The following PTPRT variants were observed in gnomAD, a reference collection of about 807,000 sequenced individuals.
PTPRT encodes the protein protein tyrosine phosphatase receptor type T.
Under a neutral mutation model 176.8 loss-of-function variants are expected in PTPRT, and 56 were observed. The ratio of observed to expected loss-of-function variants is 0.32; its 90% confidence interval spans 0.26 to 0.40. The LOEUF (loss-of-function observed/expected upper bound fraction) is 0.40, where lower values mean the gene tolerates loss of function less well. Ranked by LOEUF, PTPRT falls within the 10% of genes least tolerant of loss-of-function variation. PTPRT has a pLI of 1.00. For missense variants in PTPRT, 1,540 were observed against 1,908.2 expected (o/e 0.81, Z 3.60); for synonymous variants, 783 against 739.0 (o/e 1.06, Z -0.96).
chr20:42,466,576 T>C (rs545565039), intron 8 of PTPRT, among the ~76,000 whole-genome samples: 44 of 152,230 alleles, frequency 2.9e-4, no homozygotes, highest in African/African-American at 1.0e-3. Context: ...CTGAAACTAT[T>C]TTATGTGTGT....
chr20:42,726,091 T>TTATTATTAC (rs1349696661), intron 6 of PTPRT, among the ~76,000 whole-genome samples: 1 of 149,026 alleles, frequency 6.7e-6, no homozygotes, highest in Non-Finnish European at 1.5e-5. Context: ...ATTATTATTA[T>TTATTATTAC]TATTATAGAC....
chr20:43,114,201 G>A (rs753224700), intron 1 of PTPRT, among the ~76,000 whole-genome samples: 11 of 152,162 alleles, frequency 7.2e-5, no homozygotes, highest in Middle Eastern at 3.4e-3. Context: ...AGTTAGTCTC[G>A]CCACTTTCCT....
intron 9 of PTPRT, among the ~76,000 whole-genome samples, chr20:42,366,845 A>G (rs1568816771): frequency 6.6e-6 from 1 of 152,252 alleles, no homozygotes; most frequent in Non-Finnish European, 1.5e-5. Context: ...CCACGAAGTG[A>G]GCAGCCTGAT....
intron 7 of PTPRT, among the ~76,000 whole-genome samples, chr20:42,508,785 C>A (rs1281327756): frequency 2.0e-5 from 3 of 150,966 alleles, no homozygotes; most frequent in Non-Finnish European, 4.4e-5. Context: ...TGTTATTGGT[C>A]CAATAAACAT....
chr20:42,296,997 T>C (rs2057397291), intron 12 of PTPRT, among the ~76,000 whole-genome samples: 1 of 150,454 alleles, frequency 6.6e-6, no homozygotes, highest in African/African-American at 2.4e-5. Context: ...TTTAAAAAAT[T>C]TCAAAAAAAG....
At chr20:42,068,789 G>A (rs767401592), downstream of PTPRT, among the ~76,000 whole-genome samples, 57 of 152,160 alleles carry the variant, frequency 3.7e-4, no homozygotes, top group Admixed American at 7.9e-4. Flanking sequence ...CATGTTTCCA[G>A]CTTTGACTAC....
intron 18 of PTPRT, among the ~76,000 whole-genome samples, chr20:42,138,879 C>G (rs999598366): frequency 1.3e-5 from 2 of 152,142 alleles, no homozygotes; most frequent in African/African-American, 4.8e-5. Flanking sequence ...CCTACTTGTC[C>G]CCTTTAATCT....
At chr20:43,056,583 C>A (rs557958625) in intron 1 of PTPRT, among the ~76,000 whole-genome samples, 1 of 152,116 alleles carries the variant, frequency 6.6e-6, no homozygotes, top group Non-Finnish European at 1.5e-5. Context: ...AATTTTATTG[C>A]GTGAATCTAT....
chr20:42,389,250 A>G (rs1288808847), intron 9 of PTPRT, among the ~76,000 whole-genome samples: 1 of 152,072 alleles, frequency 6.6e-6, no homozygotes, highest in Admixed American at 6.5e-5. Flanking sequence ...CGTTGTGCAC[A>G]TGTATCCTAG....
At chr20:42,229,636 T>C (rs2056093386) in intron 15 of PTPRT, among the ~76,000 whole-genome samples, 1 of 152,350 alleles carries the variant, frequency 6.6e-6, no homozygotes, top group East Asian at 1.9e-4. Flanking sequence ...GGCCCTACTA[T>C]GTGCTAGGCA....
chr20:42,795,493 T>C (rs573250789), intron 2 of PTPRT, among the ~76,000 whole-genome samples: 3 of 152,342 alleles, frequency 2.0e-5, no homozygotes, highest in East Asian at 1.9e-4. Flanking sequence ...AAAGTCCTAA[T>C]TGAGTTTTTA....
At chr20:42,055,139 A>G in the PTPRT span, among the ~76,000 whole-genome samples, 37,081 of 152,192 alleles carry the variant, frequency 0.24, 5,673 homozygotes, top group Non-Finnish European at 0.34. Context: ...GGAGTATTCC[A>G]GTGAGCAGGT....
At chr20:42,913,211 C>T (rs896855465) in intron 1 of PTPRT, among the ~76,000 whole-genome samples, 4 of 152,198 alleles carry the variant, frequency 2.6e-5, no homozygotes, top group Admixed American at 2.0e-4. Flanking sequence ...CAAAGTGCCA[C>T]AGACTGGGTG....
intron 9 of PTPRT, among the ~76,000 whole-genome samples, chr20:42,354,625 C>T (rs537955707): frequency 6.6e-6 from 1 of 152,332 alleles, no homozygotes; most frequent in African/African-American, 2.4e-5. Flanking sequence ...GAATTCAAGT[C>T]AGGCCTCATC....
chr20:43,088,686 C>T (rs914567823), intron 1 of PTPRT, among the ~76,000 whole-genome samples: 24 of 152,174 alleles, frequency 1.6e-4, no homozygotes, highest in African/African-American at 5.5e-4. Context: ...CCCAACCCAT[C>T]CTCCAGCACA....
chr20:42,059,309 G>A, the PTPRT span, among the ~76,000 whole-genome samples: 17 of 152,278 alleles, frequency 1.1e-4, no homozygotes, highest in East Asian at 2.5e-3. Context: ...CTCAGCAAGA[G>A]GGCCTGTGGC....
chr20:42,224,958 C>A (rs1268562450), intron 15 of PTPRT, among the ~76,000 whole-genome samples: 1 of 152,176 alleles, frequency 6.6e-6, no homozygotes, highest in African/African-American at 2.4e-5. Flanking sequence ...TGCACTCTCC[C>A]GACCCCATTC....
chr20:42,721,071 G>C (rs1375247567), intron 6 of PTPRT, among the ~76,000 whole-genome samples: 1 of 152,164 alleles, frequency 6.6e-6, no homozygotes, highest in Admixed American at 6.5e-5. Context: ...TACACAGACA[G>C]CACTCCTCCA....
intron 7 of PTPRT, among the ~76,000 whole-genome samples, chr20:42,489,026 G>C (rs1384928335): frequency 8.1e-6 from 1 of 124,098 alleles, no homozygotes; most frequent in Non-Finnish European, 1.5e-5. Flanking sequence ...GTGTGTGTGT[G>C]TGTGTGTGTG....
Sources: allele counts gnomAD v4.1 joint callset (sites outside exome capture counted in the v4.1 genomes callset), GRCh38; gene constraint gnomAD v4.1.1; transcripts MANE v1.5; gene names NCBI Gene and HGNC (gene_info 2026-07-23, HGNC 2026-07-21).